IPO8: variants seen among roughly 807,000 people sequenced by gnomAD.
IPO8 encodes importin-8.
Under a neutral mutation model 141.2 loss-of-function variants are expected in IPO8, and 65 were observed. The observed-to-expected ratio is 0.46, with a 90% CI of 0.38 to 0.57. The LOEUF is 0.57. Among genes scored for constraint, IPO8 ranks in the 20% least tolerant of loss-of-function variants. IPO8 has a pLI of 0.00. For missense variants in IPO8, 980 were observed against 1,246.8 expected, an observed-to-expected ratio of 0.79 and a Z score of 3.22; for synonymous variants, 411 against 420.3, an observed-to-expected ratio of 0.98 and a Z score of 0.27.
intron 21 of IPO8, among the ~76,000 whole-genome samples, chr12:30,637,404 C>A (rs1223554829): frequency 6.6e-6 from 1 of 152,142 alleles, no homozygotes; most frequent in Non-Finnish European, 1.5e-5. Context: ...CTGCAATTAA[C>A]ATGGTGAATC....
chr12:30,663,574 C>G lies in IPO8; in HGVS notation c.1509G>C (p.Lys503Asn), dbSNP rs1158515746. Reference protein sequence around the residue: ...LNLRNAVELAKKSLIEDKEMP... With the variant: ...LNLRNAVELANKSLIEDKEMP... ...TCTCTTTATCTTCAATCAGGCTCTT[C>G]TTCGCTAATTCAACGGCATTTCTTA... Residue 503 changes from lysine to asparagine, a missense_variant, in exon 14 of 25, where the codon AAG becomes AAC. Lys to Asn is a moderately conservative substitution (Grantham distance 94, BLOSUM62 0). Transcript: ENST00000256079. 1 of 1,613,634 alleles carries G rather than the reference C, an allele frequency of 6.2e-7. No homozygotes were observed. Among genetic ancestry groups the G allele is most frequent in the African/African-American group, 1.3e-5 (1 of 74,926 alleles).
rs768793371 is a variant in IPO8, at chr12:30,629,017, T to C, written c.*1843A>G. The stretch of plus-strand genomic sequence containing the variant: ...GGGAATCAGTCCGCATTTTATTTTA[T>C]AGTACATTCATATAAGTTCCTGCAT... On this transcript the variant is annotated 3_prime_UTR_variant, in exon 25 of 25. Transcript: ENST00000256079. The C allele has an allele frequency of 6.6e-6, 1 of 152,230 alleles. No individual in the cohort carries two copies. Among genetic ancestry groups the C allele is most frequent in the Admixed American group, 6.5e-5 (1 of 15,284 alleles). The allele number at this position is 152,230 out of a possible 1,614,324, so 9.4% of individuals were successfully genotyped here.
intron 5 of IPO8, chr12:30,676,866 G>T: frequency 1.5e-6 from 2 of 1,356,710 alleles, no homozygotes; most frequent in Non-Finnish European, 2.0e-6. Flanking sequence ...TTCAGCATGA[G>T]ATTCTAAGTG....
At chr12:30,684,251 T>A (rs758885016) in intron 3 of IPO8, 50 bp downstream of exon 3, 1 of 1,568,242 alleles carries the variant, frequency 6.4e-7, no homozygotes, top group South Asian at 1.2e-5. Context: ...CACCCTCAGA[T>A]CTAACCATTT....
intron 16 of IPO8, among the ~76,000 whole-genome samples, chr12:30,659,319 T>G (rs1313543979): frequency 2.0e-5 from 3 of 151,942 alleles, no homozygotes; most frequent in Non-Finnish European, 2.9e-5. Context: ...GTGAAACCCC[T>G]TCTCCACTAA....
intron 23 of IPO8, among the ~76,000 whole-genome samples, chr12:30,633,235 T>G (rs2136122333): frequency 6.6e-6 from 1 of 152,336 alleles, no homozygotes; most frequent in Admixed American, 6.5e-5. Context: ...TAAGCTAATA[T>G]TGCCTTATTA....
intron 2 of IPO8, chr12:30,686,212 G>C (rs957077765): frequency 6.6e-6 from 1 of 152,048 alleles, no homozygotes; most frequent in Non-Finnish European, 1.5e-5. Context: ...GTTTTATCGG[G>C]TATAGTCATT....
intron 15 of IPO8, among the ~76,000 whole-genome samples, chr12:30,661,781 T>C (rs2052891557): frequency 6.6e-6 from 1 of 151,966 alleles, no homozygotes; most frequent in East Asian, 1.9e-4. Context: ...CTGAAGGAAA[T>C]GAGCTTCCTG....
Position 30,665,244 on chromosome 12 carries a change from A to G in IPO8, c.1404T>C (p.Ser468=). The G allele has an allele frequency of 6.3e-7, 1 of 1,591,064 alleles. No homozygotes were observed. ...CTCTAGCTCGAAGATATCCCAGGTT[A>G]GACAATAATAATGGAAATACATGAT... is the stretch of plus-strand genomic sequence containing the variant. ...LQNHVFPLLL[S]NLGYLRARSC... Residue 468 remains serine (S), a synonymous_variant, in exon 13 of 25, where the codon TCT becomes TCC. Transcript: ENST00000256079.
intron 2 of IPO8, chr12:30,688,459 C>A: frequency 2.4e-6 from 1 of 424,306 alleles, no homozygotes; most frequent in Non-Finnish European, 4.6e-6. Context: ...ATTAGCATAA[C>A]TTTTTTTTTA....
At chr12:30,637,269 G>T in intron 21 of IPO8, 82 bp from the exon 22 acceptor site, 1 of 1,016,238 alleles carries the variant, frequency 9.8e-7, no homozygotes, top group Non-Finnish European at 1.5e-6. Flanking sequence ...AAAAAGAAAT[G>T]TCCAAGGCAT....
In IPO8 at chr12:30,695,066, C is replaced by T. The variant is rs2053324808; in HGVS notation, c.84+498G>A. 1 of 455,014 alleles carries T rather than the reference C, an allele frequency of 2.2e-6. No individual in the cohort carries two copies. Among genetic ancestry groups the T allele is most frequent in the South Asian group, 1.6e-5 (1 of 64,130 alleles). 28.2% of individuals were successfully genotyped at this position (455,014 alleles called of 1,614,324 possible). The stretch of plus-strand genomic sequence containing the variant: ...CCCAACAGCACTGCCCAGCGCTCCG[C>T]AAAACTCGGCCAATCGGTGTCAAAA... On this transcript the variant is annotated intron_variant, in intron 1 of 24. Transcript: ENST00000256079. The surrounding 1 kb of genome is among the most constrained non-coding windows in gnomAD (Gnocchi z 4.2).
At chr12:30,666,569 T>C (rs2052967974) in intron 10 of IPO8, among the ~76,000 whole-genome samples, 1 of 152,132 alleles carries the variant, frequency 6.6e-6, no homozygotes, top group Admixed American at 6.5e-5. Context: ...TTCACTCAGC[T>C]CTTACTATGT....
intron 20 of IPO8, among the ~76,000 whole-genome samples, chr12:30,645,384 AAAAG>A (rs1173235852): frequency 2.0e-5 from 3 of 152,038 alleles, no homozygotes; most frequent in Non-Finnish European, 2.9e-5. Context: ...AAAAAAAAAA[AAAAG>A]AGACAGAGAG....
chr12:30,631,822 C>A, intron 24 of IPO8, 73 bp downstream of exon 24: 1 of 916,134 alleles, frequency 1.1e-6, no homozygotes. Flanking sequence ...TAGGTGCCAC[C>A]TGGCTCATCA....
At position 30,674,771 on chromosome 12, in the gene IPO8, C is replaced by T. The variant is rs745723727; in HGVS notation, c.730-18G>A. 2 of 1,521,942 alleles carry T rather than the reference C, an allele frequency of 1.3e-6. No homozygotes were observed. The highest frequency in any genetic ancestry group is 1.4e-5 in the African/African-American group (1 of 73,128). 94.3% of individuals were successfully genotyped at this position (1,521,942 alleles called of 1,614,324 possible). On this transcript the variant is annotated intron_variant, in intron 6 of 24. Transcript: ENST00000256079. ...AGAGTCTCCTAACAGGACAAAATTACCCAGATTAAAGTTCTGCATAATAAA... is the reference window on the plus strand; with the variant it reads ...AGAGTCTCCTAACAGGACAAAATTATCCAGATTAAAGTTCTGCATAATAAA...
intron 10 of IPO8, among the ~76,000 whole-genome samples, chr12:30,668,752 G>A (rs2053005030): frequency 6.6e-6 from 1 of 152,164 alleles, no homozygotes; most frequent in Non-Finnish European, 1.5e-5. Flanking sequence ...GCCCCCATAC[G>A]AAATTTATTT....
At position 30,695,679 on chromosome 12, in the gene IPO8, A is replaced by G. The variant is rs934400408; in HGVS notation, c.-32T>C. 2.5e-6 allele frequency: 4 copies of G among 1,593,210 alleles called. No homozygotes were observed. The African/African-American group carries it at 5.4e-5, about 21-fold the overall frequency. ...GGGTGGGGGCTCCGCGGCCCCCGGA[A>G]CAGTAGGCCGGACTGCAGCTTTAGT... is the stretch of plus-strand genomic sequence containing the variant. On this transcript the variant is annotated 5_prime_UTR_variant, in exon 1 of 25. Transcript: ENST00000256079. The surrounding 1 kb of genome is among the most constrained non-coding windows in gnomAD (Gnocchi z 4.2).
At chr12:30,677,251 A>C in intron 5 of IPO8, 1 of 434,360 alleles carries the variant, frequency 2.3e-6, no homozygotes. Flanking sequence ...CAATGGTCCC[A>C]TAAGATTAGA....
Sources: gnomAD v4.1 joint callset for allele counts (sites outside exome capture counted in the v4.1 genomes callset) on GRCh38, gnomAD v4.1.1 for gene constraint, Gnocchi (gnomAD v3.1) non-coding constraint, MANE v1.5 for transcripts, NCBI Gene and HGNC (gene_info 2026-07-23, HGNC 2026-07-21) for gene names.